NF2: variants seen among roughly 807,000 people sequenced by gnomAD.
NF2 encodes the protein merlin.
Under a neutral mutation model 83.7 loss-of-function variants are expected in NF2, and 8 were observed. That is an observed-to-expected ratio of 0.10 (90% CI 0.06 to 0.17). The LOEUF is 0.17. Among genes scored for constraint, NF2 ranks in the 10% least tolerant of loss-of-function variants. The pLI is 1.00. For synonymous variants in NF2, 266 were observed against 269.6 expected, an observed-to-expected ratio of 0.99 and a Z score of 0.13; for missense variants, 533 against 744.4, an observed-to-expected ratio of 0.72 and a Z score of 3.31.
At chr22:29,671,485 C>T (rs771342081) in intron 10 of NF2, among the ~76,000 whole-genome samples, 7 of 152,046 alleles carry the variant, frequency 4.6e-5, no homozygotes, top group Non-Finnish European at 1.0e-4. Context: ...GCCGAGATCG[C>T]GCCACTGCAC....
rs772334382 is a variant in NF2 at position 29,673,449 on chromosome 22, G to A, written c.1303G>A (p.Val435Met). Residue 435 changes from valine (V) to methionine (M), a missense_variant, in exon 12 of 16, where the codon GTG becomes ATG. Val to Met is a conservative substitution (Grantham distance 21). Transcript: ENST00000338641. ...GGAGCAGAAGGTGCTGGAAGCCGAG[G>A]TGCTGGCACTGAAGATGGCTGAGGA... is the stretch of plus-strand genomic sequence containing the variant. ...LMEQKVLEAE[V>M]LALKMAEESE... 6.2e-7 allele frequency: 1 copy of A among 1,611,904 alleles called. No individual in the cohort carries two copies. Among genetic ancestry groups the A allele is most frequent in the Non-Finnish European group, 8.5e-7 (1 of 1,179,464 alleles).
At chr22:29,685,549 A>G (rs1196411185) in intron 15 of NF2, among the ~76,000 whole-genome samples, 2 of 151,694 alleles carry the variant, frequency 1.3e-5, no homozygotes, top group African/African-American at 4.8e-5. Context: ...CTGGGACTAC[A>G]GGCATTTGCC....
chr22:29,641,203 C>A (rs978863116), intron 3 of NF2, among the ~76,000 whole-genome samples: 1 of 152,042 alleles, frequency 6.6e-6, no homozygotes, highest in Non-Finnish European at 1.5e-5. Flanking sequence ...GGAAATGAAA[C>A]CAAGGGATTA....
Position 29,681,622 on chromosome 22 carries a change from G to A in NF2, c.1737+21G>A, listed in dbSNP as rs371163830. 8.7e-6 allele frequency: 14 copies of A among 1,613,446 alleles called. No homozygotes were observed. The South Asian group carries it at 9.9e-5, about 11-fold the overall frequency. Reference sequence around the variant, plus strand: ...AAAAGGTACCCAGGGTCTCTTTCTTGTATTTTGCTGATCAGGACCATCATT... The same window carrying A: ...AAAAGGTACCCAGGGTCTCTTTCTTATATTTTGCTGATCAGGACCATCATT... On this transcript the variant is annotated intron_variant, in intron 15 of 15. Coordinates refer to ENST00000338641, the MANE Select transcript of NF2 (RefSeq NM_000268.4).
intron 4 of NF2, among the ~76,000 whole-genome samples, chr22:29,648,017 G>C (rs1007491890): frequency 1.3e-5 from 2 of 152,038 alleles, no homozygotes; most frequent in Admixed American, 6.6e-5. Context: ...TGTAGTCCCA[G>C]CTACTTGGGA....
At chr22:29,624,260 T>G (rs1430720191) in intron 1 of NF2, among the ~76,000 whole-genome samples, 3 of 152,164 alleles carry the variant, frequency 2.0e-5, no homozygotes, top group Non-Finnish European at 4.4e-5. Context: ...CAGGCTGGAG[T>G]GCAGTGGCAC....
In NF2 at chr22:29,692,359, C is replaced by T. The variant is rs569854705; in HGVS notation, c.1738-2393C>T. Among the ~76,000 whole-genome samples, 122 of 152,282 alleles carry T rather than the reference C, an allele frequency of 8.0e-4. 2 individuals are homozygous for T. The highest frequency in any genetic ancestry group is 2.9e-3 in the African/African-American group (119 of 41,560). On this transcript the variant is annotated intron_variant, in intron 15 of 15. Transcript: ENST00000338641. ...TGCAAGATAAGAGGTGGGGCTGAGG[C>T]GCTGCAGTGCAGCTCAGGTGGGGCT...
At chr22:29,658,121 T>G (rs1601618278) in intron 6 of NF2, 68 bp from the exon 7 acceptor site, 1 of 1,459,512 alleles carries the variant, frequency 6.9e-7, no homozygotes, top group Non-Finnish European at 9.6e-7. Context: ...AATGCTTGAT[T>G]TGGTGCCCAC....
chr22:29,607,493 A>G (rs1306399552), intron 1 of NF2, among the ~76,000 whole-genome samples: 1 of 152,186 alleles, frequency 6.6e-6, no homozygotes, highest in Non-Finnish European at 1.5e-5. Flanking sequence ...ATTTCACTCA[A>G]ATAATCCAGC....
intron 6 of NF2, 133 bp from the exon 7 acceptor site, chr22:29,658,056 G>A: frequency 1.3e-6 from 1 of 761,248 alleles, no homozygotes. Flanking sequence ...GCTGGTGTCT[G>A]CTGTGGCTTT....
At chr22:29,611,551 G>T (rs981263572) in intron 1 of NF2, among the ~76,000 whole-genome samples, 1 of 152,106 alleles carries the variant, frequency 6.6e-6, no homozygotes, top group Non-Finnish European at 1.5e-5. Flanking sequence ...AATAGTGAAA[G>T]ACTGTATGCT....
intron 15 of NF2, among the ~76,000 whole-genome samples, chr22:29,686,071 C>T (rs1028129788): frequency 6.6e-6 from 1 of 152,096 alleles, no homozygotes; most frequent in Non-Finnish European, 1.5e-5. Context: ...TCTCTTGAGG[C>T]ACAGTGTCCT....
At chr22:29,667,721 C>G (rs984126178) in intron 9 of NF2, among the ~76,000 whole-genome samples, 1 of 152,022 alleles carries the variant, frequency 6.6e-6, no homozygotes, top group African/African-American at 2.4e-5. Context: ...CAGTTTGTTG[C>G]TCTTTTTCTT....
At chr22:29,608,455 G>A (rs1175169798) in intron 1 of NF2, among the ~76,000 whole-genome samples, 1 of 151,382 alleles carries the variant, frequency 6.6e-6, no homozygotes, top group Non-Finnish European at 1.5e-5. Flanking sequence ...GATCACCTGA[G>A]GTCAGGAGTT....
chr22:29,641,315 C>T (rs922849812), intron 3 of NF2, among the ~76,000 whole-genome samples: 3 of 152,182 alleles, frequency 2.0e-5, no homozygotes, highest in Non-Finnish European at 4.4e-5. Flanking sequence ...TGAACGTAAA[C>T]ACCTAACAAT....
chr22:29,681,254 G>A (rs965424283), intron 14 of NF2, among the ~76,000 whole-genome samples, 185 bp from the exon 15 acceptor site: 3 of 152,044 alleles, frequency 2.0e-5, no homozygotes, highest in Non-Finnish European at 4.4e-5. Context: ...TTAATGATGA[G>A]GAAACATTCA....
In NF2 at chr22:29,678,313, G is replaced by A; in HGVS notation, c.1564G>A (p.Glu522Lys). ...TDMKRLSMEIEKEKVEYMEKS... is the reference protein window; with the variant it reads ...TDMKRLSMEIKKEKVEYMEKS... ...CATGAAGCGGCTTTCCATGGAGATA[G>A]AGAAAGAAAAGTATGTAGCCCCCTG... Residue 522 changes from glutamate (E) to lysine (K), a missense_variant, in exon 14 of 16, where the codon GAG becomes AAG. Glu to Lys is a moderately conservative substitution (Grantham distance 56). Coordinates refer to ENST00000338641, the MANE Select transcript of NF2 (RefSeq NM_000268.4). 1 of 1,613,884 alleles carries A rather than the reference G, an allele frequency of 6.2e-7. No individual in the cohort carries two copies. Among genetic ancestry groups the A allele is most frequent in the Non-Finnish European group, 8.5e-7 (1 of 1,179,848 alleles).
Position 29,694,949 on chromosome 22 carries a change from A to G in NF2, c.*147A>G. ...CTTTCCCCAGCTGAGTGAAGAGCCC[A>G]GCCCCTCTTATGTGCAATTGCCTTG... On this transcript the variant is annotated 3_prime_UTR_variant, in exon 16 of 16. Transcript: ENST00000338641. This position sits in a 1 kb window ranked among gnomAD's most constrained non-coding sequence, Gnocchi z 4.1. The G allele has an allele frequency of 1.3e-6, 1 of 796,010 alleles. No individual in the cohort carries two copies. Among genetic ancestry groups the G allele is most frequent in the Non-Finnish European group, 2.1e-6 (1 of 468,142 alleles). 49.3% of individuals were successfully genotyped at this position (796,010 alleles called of 1,614,324 possible). A position where few individuals can be genotyped will look rare whatever the true frequency, so the allele number is the denominator to read the frequency against.
intron 9 of NF2, among the ~76,000 whole-genome samples, chr22:29,666,478 G>C (rs532303980): frequency 5.0e-4 from 76 of 151,938 alleles, no homozygotes; most frequent in African/African-American, 1.7e-3. Flanking sequence ...GAAAACTTTT[G>C]TATCTGCCTC....
Sources: allele counts gnomAD v4.1 joint callset (sites outside exome capture counted in the v4.1 genomes callset), GRCh38; gene constraint gnomAD v4.1.1; non-coding constraint Gnocchi (gnomAD v3.1); transcripts MANE v1.5; gene names NCBI Gene and HGNC (gene_info 2026-07-23, HGNC 2026-07-21).